CDCA5: variants seen among roughly 807,000 people sequenced by gnomAD.
The protein encoded by CDCA5 is sororin.
In CDCA5, 14 loss-of-function variants were observed where a neutral mutation model predicts 25.7. The ratio of observed to expected loss-of-function variants is 0.54; its 90% confidence interval spans 0.36 to 0.85. The LOEUF (loss-of-function observed/expected upper bound fraction) is 0.85, where lower values mean the gene tolerates loss of function less well. Ranked by LOEUF, CDCA5 falls within the 40% of genes least tolerant of loss-of-function variation. The pLI, the probability that CDCA5 is intolerant of heterozygous loss-of-function variation, is 0.01. For synonymous variants in CDCA5, 127 were observed against 128.7 expected (o/e 0.99, Z 0.09); for missense variants, 307 against 324.5 (o/e 0.95, Z 0.41).
At chr11:65,083,280 G>C (rs1331329956) in intron 4 of CDCA5, 84 bp downstream of exon 4, 2 of 1,516,738 alleles carry the variant, frequency 1.3e-6, no homozygotes, top group Non-Finnish European at 1.8e-6. Flanking sequence ...CAGCTCCCTG[G>C]GCAGATGTGA....
intron 1 of CDCA5, among the ~76,000 whole-genome samples, chr11:65,068,831 C>T (rs985890750): frequency 6.6e-6 from 1 of 152,222 alleles, no homozygotes; most frequent in Non-Finnish European, 1.5e-5. Flanking sequence ...CAGTATCTGT[C>T]TCACACAATG....
downstream of CDCA5, among the ~76,000 whole-genome samples, chr11:65,061,514 C>T (rs1947185827): frequency 6.6e-6 from 1 of 152,142 alleles, no homozygotes; most frequent in Non-Finnish European, 1.5e-5. Flanking sequence ...GTGGCTCACG[C>T]CTATAATCCC....
At chr11:65,067,975 A>T in intron 3 of CDCA5, 1 of 1,192,990 alleles carries the variant, frequency 8.4e-7, no homozygotes. Context: ...GCGTGCCTGC[A>T]TGTGCCTGCA....
chr11:65,062,392 T>C (rs1040934799), downstream of CDCA5, among the ~76,000 whole-genome samples: 2 of 152,170 alleles, frequency 1.3e-5, no homozygotes, highest in African/African-American at 4.8e-5. Context: ...ACAGTGGCCA[T>C]AGAGCCCTTC....
downstream of CDCA5, among the ~76,000 whole-genome samples, chr11:65,061,804 A>C (rs1378992700): frequency 6.6e-6 from 1 of 150,528 alleles, no homozygotes; most frequent in Non-Finnish European, 1.5e-5. Flanking sequence ...AACAAAAAAA[A>C]CCACAGCAAA....
At position 65,079,593 on chromosome 11, in the gene CDCA5, G is replaced by A. The variant is rs1336698314; in HGVS notation, c.438C>T (p.Tyr146=). ...CAGAGCCCAGGGTCTCCAGCCGGCTGTAGGAACGCCTGACTTTCTTAGACA... is the reference window on the plus strand; with the variant it reads ...CAGAGCCCAGGGTCTCCAGCCGGCTATAGGAACGCCTGACTTTCTTAGACA... ...LEMSKKVRRS[Y]SRLETLGSAS... Residue 146 remains tyrosine (Y), a synonymous_variant, in exon 5 of 6, where the codon TAC becomes TAT. Coordinates refer to ENST00000275517, the MANE Select transcript of CDCA5 (RefSeq NM_080668.4). The A allele has an allele frequency of 1.9e-6, 3 of 1,613,126 alleles. No homozygotes were observed. The highest frequency in any genetic ancestry group is 2.5e-6 in the Non-Finnish European group (3 of 1,179,462).
exon 5 of CDCA5, chr11:65,066,856 G>A (rs1297287623): frequency 2.3e-6 from 3 of 1,289,336 alleles, no homozygotes; most frequent in South Asian, 2.5e-5. Flanking sequence ...GTGCACTTGG[G>A]TGGTGTTCAG....
At chr11:65,076,970 G>A (rs999229966), downstream of CDCA5, among the ~76,000 whole-genome samples, 6 of 152,170 alleles carry the variant, frequency 3.9e-5, no homozygotes, top group Non-Finnish European at 8.8e-5. Context: ...GCAGACTGGG[G>A]ACTGGACAGA....
chr11:65,068,706 C>CT, intron 1 of CDCA5: 1 of 515,498 alleles, frequency 1.9e-6, no homozygotes, highest in South Asian at 1.8e-5. Flanking sequence ...TGGCGAGCGT[C>CT]TATCACCAGC....
downstream of CDCA5, among the ~76,000 whole-genome samples, chr11:65,074,826 C>T (rs1393772387): frequency 1.3e-5 from 2 of 151,320 alleles, no homozygotes; most frequent in Admixed American, 1.3e-4. Context: ...CTTTAGGAGG[C>T]CAAGGAGGGT....
downstream of CDCA5, among the ~76,000 whole-genome samples, chr11:65,063,283 C>A (rs1280092701): frequency 6.6e-6 from 1 of 152,206 alleles, no homozygotes; most frequent in Non-Finnish European, 1.5e-5. Context: ...TGGAGGAAGG[C>A]CCTGCCAGGC....
chr11:65,079,510 G>T lies in CDCA5; in HGVS notation c.521C>A (p.Ala174Glu). Residue 174 changes from alanine to glutamate, a missense_variant, in exon 5 of 6, where the codon GCA becomes GAA. Transcript: ENST00000275517. ...TGGCGAGACTCCGGACAAGTCTTCTGCCCCCAGCAGCCCCTCGAAGCCAAA... is the reference window on the plus strand; with the variant it reads ...TGGCGAGACTCCGGACAAGTCTTCTTCCCCCAGCAGCCCCTCGAAGCCAAA... ...SCFGFEGLLG[A>E]EDLSGVSPVV... The T allele has an allele frequency of 6.2e-7, 1 of 1,614,180 alleles. No individual in the cohort carries two copies. Among genetic ancestry groups the T allele is most frequent in the Non-Finnish European group, 8.5e-7 (1 of 1,180,022 alleles).
chr11:65,068,061 T>C, exon 3 of CDCA5: 1 of 1,289,184 alleles, frequency 7.8e-7, no homozygotes. Context: ...GGCTCAGAGG[T>C]GTTCAGGAGT....
At chr11:65,062,942 C>T (rs544781935), downstream of CDCA5, among the ~76,000 whole-genome samples, 8 of 152,252 alleles carry the variant, frequency 5.3e-5, no homozygotes, top group East Asian at 1.2e-3. Context: ...TATTCACTGC[C>T]GAAGCCCCAG....
downstream of CDCA5, among the ~76,000 whole-genome samples, chr11:65,075,824 C>CG (rs1565278317): frequency 6.6e-6 from 1 of 152,134 alleles, no homozygotes; most frequent in Non-Finnish European, 1.5e-5. Context: ...CGAGGCTACC[C>CG]GGCAAGAGCA....
chr11:65,083,495 T>G lies in CDCA5; in HGVS notation c.197A>C (p.His66Pro). 1 of 1,614,236 alleles carries G rather than the reference T, an allele frequency of 6.2e-7. No homozygotes were observed. Among genetic ancestry groups the G allele is most frequent in the South Asian group, 1.1e-5 (1 of 91,088 alleles). ...CTCCTTAGCCTTTACCTCTACAGCA[T>G]GGGCCACGATCCTCTTTAAGACGAT... The part of the protein sequence containing the change: ...KPIVLKRIVA[H>P]AVEVPAVQSP... The change falls in exon 3 of 6, where the codon CAT (histidine) becomes CCT (proline). Residue 66 changes from histidine (H) to proline (P), a missense_variant. Physicochemically the swap from His to Pro is moderately conservative, Grantham distance 77 (BLOSUM62 -2). Transcript: ENST00000275517.
At position 65,083,992 on chromosome 11, in the gene CDCA5, T is replaced by C. The variant is rs990838946; in HGVS notation, c.-14A>G. Reference sequence around the variant, plus strand: ...CCTCCCAGACATAACTTAGGCTCCGTCTCGAGCTCCTCCAGCGCCGCCGCC... The same window carrying C: ...CCTCCCAGACATAACTTAGGCTCCGCCTCGAGCTCCTCCAGCGCCGCCGCC... On this transcript the variant is annotated 5_prime_UTR_variant, in exon 1 of 6. Coordinates refer to ENST00000275517, the MANE Select transcript of CDCA5 (RefSeq NM_080668.4). 6.2e-7 allele frequency: 1 copy of C among 1,607,586 alleles called. No individual in the cohort carries two copies. The highest frequency in any genetic ancestry group is 1.1e-5 in the South Asian group (1 of 90,914).
chr11:65,078,341 A>C lies in CDCA5; in HGVS notation c.*766T>G. The C allele has an allele frequency of 1.0e-6, 1 of 985,700 alleles. No individual in the cohort carries two copies. The highest frequency in any genetic ancestry group is 4.7e-5 in the South Asian group (1 of 21,288). The allele number at this position is 985,700 out of a possible 1,614,324, so 61.1% of individuals were successfully genotyped here. On this transcript the variant is annotated 3_prime_UTR_variant, in exon 6 of 6. Coordinates refer to ENST00000275517, the MANE Select transcript of CDCA5 (RefSeq NM_080668.4). ...GAGGCCATGAGCCACAGAAACTCAC[A>C]GCACCTGGTGGCCACACCCTGAAAT...
Position 65,079,566 on chromosome 11 carries a change from G to A in CDCA5, c.465C>T (p.Ala155=). 1 of 1,614,092 alleles carries A rather than the reference G, an allele frequency of 6.2e-7. No homozygotes were observed. The highest frequency in any genetic ancestry group is 1.1e-5 in the South Asian group (1 of 91,076). Residue 155 remains alanine (A), a synonymous_variant, in exon 5 of 6, where the codon GCC becomes GCT. Coordinates refer to ENST00000275517, the MANE Select transcript of CDCA5 (RefSeq NM_080668.4). The stretch of plus-strand genomic sequence containing the variant: ...ACCGGCGGCCTGGGGTGGAGGTAGA[G>A]GCAGAGCCCAGGGTCTCCAGCCGGC... ...SYSRLETLGS[A]STSTPGRRSC... is the part of the protein sequence containing the mutation.
Sources: gnomAD v4.1 joint callset for allele counts (sites outside exome capture counted in the v4.1 genomes callset) on GRCh38, gnomAD v4.1.1 for gene constraint, MANE v1.5 for transcripts, NCBI Gene and HGNC (gene_info 2026-07-23, HGNC 2026-07-21) for gene names.